SMOC1: variants seen among roughly 807,000 people sequenced by gnomAD.
SMOC1 encodes SPARC-related modular calcium-binding protein 1.
SMOC1 carries 22 observed loss-of-function variants against 56.3 expected under a neutral mutation model. The observed-to-expected ratio is 0.39, with a 90% CI of 0.28 to 0.56. SMOC1 has a LOEUF of 0.56. SMOC1 is among the 20% of genes least tolerant of loss of function. SMOC1 has a pLI of 0.61. For missense variants in SMOC1, 509 were observed against 565.4 expected (o/e 0.90, Z 1.01); for synonymous variants, 193 against 215.0 (o/e 0.90, Z 0.89).
At chr14:69,890,850 C>A (rs1883941053) in intron 1 of SMOC1, among the ~76,000 whole-genome samples, 1 of 152,166 alleles carries the variant, frequency 6.6e-6, no homozygotes, top group Non-Finnish European at 1.5e-5. Context: ...CACTCTTTGA[C>A]CTTGTAATTC....
Position 70,030,575 on chromosome 14 carries a change from G to C in SMOC1, c.*317G>C, listed in dbSNP as rs1886113697. On this transcript the variant is annotated 3_prime_UTR_variant, in exon 12 of 12. Transcript: ENST00000361956. ...TGGGGGAGGGTGTTGTTGGGGCTGA[G>C]AAGAAAGAGATTTATATGCTGTATA... 2.4e-6 allele frequency: 1 copy of C among 417,434 alleles called. No homozygotes were observed. Among genetic ancestry groups the C allele is most frequent in the Admixed American group, 4.0e-5 (1 of 25,264 alleles). The allele number at this position is 417,434 out of a possible 1,614,324, so 25.9% of individuals were successfully genotyped here.
chr14:70,010,674 A>G, intron 7 of SMOC1, 80 bp from the exon 8 acceptor site: 1 of 1,489,116 alleles, frequency 6.7e-7, no homozygotes, highest in South Asian at 1.1e-5. Context: ...CTTGCTACTT[A>G]CTTTGGATGC....
At chr14:70,018,257 G>A (rs987606206) in intron 10 of SMOC1, among the ~76,000 whole-genome samples, 1 of 152,100 alleles carries the variant, frequency 6.6e-6, no homozygotes, top group African/African-American at 2.4e-5. Context: ...AGGGTGATGA[G>A]GGCATGGACC....
At chr14:69,974,943 G>A (rs938225459) in intron 3 of SMOC1, among the ~76,000 whole-genome samples, 1 of 152,108 alleles carries the variant, frequency 6.6e-6, no homozygotes, top group Non-Finnish European at 1.5e-5. Context: ...GCTAGGAGAA[G>A]CTAGACAAAG....
intron 10 of SMOC1, among the ~76,000 whole-genome samples, chr14:70,020,723 T>C (rs1885686367): frequency 6.6e-6 from 1 of 151,318 alleles, no homozygotes; most frequent in Middle Eastern, 3.2e-3. Context: ...GTGAAGAGAG[T>C]CAAAATGTTG....
chr14:70,032,221 A>C lies in SMOC1; in HGVS notation c.*1963A>C, dbSNP rs1886178949. ...ACATGGAGACGGCGCCTGCCTGTAG[A>C]TGTTTGGATCTTCGAGATCTCCCCA... On this transcript the variant is annotated 3_prime_UTR_variant, in exon 12 of 12. Coordinates refer to ENST00000361956, the MANE Select transcript of SMOC1 (RefSeq NM_001034852.3). The C allele has an allele frequency of 6.6e-6, 1 of 152,262 alleles. No homozygotes were observed. The highest frequency in any genetic ancestry group is 1.5e-5 in the Non-Finnish European group (1 of 68,060). 9.4% of individuals were successfully genotyped at this position (152,262 alleles called of 1,614,324 possible).
intron 11 of SMOC1, among the ~76,000 whole-genome samples, chr14:70,026,799 G>A (rs1022758121): frequency 2.2e-4 from 33 of 152,166 alleles, no homozygotes; most frequent in African/African-American, 7.7e-4. Flanking sequence ...GCACCTGTCT[G>A]TGTTCATGTC....
Position 69,879,596 on chromosome 14 carries a change from G to C in SMOC1, c.-83G>C, listed in dbSNP as rs142897673. Reference sequence around the variant, plus strand: ...CCCCGCCGCCGCGAGGGCCCCGAGCGAAGGAAGGAAGGGAGGCGCGCTGTG... The same window carrying C: ...CCCCGCCGCCGCGAGGGCCCCGAGCCAAGGAAGGAAGGGAGGCGCGCTGTG... On this transcript the variant is annotated 5_prime_UTR_variant, in exon 1 of 12. Coordinates refer to ENST00000361956, the MANE Select transcript of SMOC1 (RefSeq NM_001034852.3). 5.2e-4 allele frequency: 587 copies of C among 1,121,170 alleles called. 1 individual carries two copies. In the African/African-American group the frequency reaches 7.4e-3, roughly 14 times the overall value. The allele number at this position is 1,121,170 out of a possible 1,614,324, so 69.5% of individuals were successfully genotyped here. A position where few individuals can be genotyped will look rare whatever the true frequency, so the allele number is the denominator to read the frequency against.
chr14:70,000,288 T>G (rs1436917571), intron 7 of SMOC1, among the ~76,000 whole-genome samples: 3 of 152,258 alleles, frequency 2.0e-5, no homozygotes, highest in Non-Finnish European at 4.4e-5. Context: ...CACCTTTGTC[T>G]GTGCCTTCTC....
chr14:70,008,509 A>G (rs1885221077), intron 7 of SMOC1, among the ~76,000 whole-genome samples: 1 of 152,146 alleles, frequency 6.6e-6, no homozygotes, highest in Admixed American at 6.5e-5. Context: ...GCCTTCAAGG[A>G]CTTCCAGAAA....
At chr14:69,952,684 A>G (rs2139439531) in intron 2 of SMOC1, among the ~76,000 whole-genome samples, 1 of 152,326 alleles carries the variant, frequency 6.6e-6, no homozygotes, top group Middle Eastern at 3.4e-3. Context: ...AGCAAAAAAC[A>G]TTTGGGATAA....
At chr14:69,972,817 C>T (rs1487788558) in intron 3 of SMOC1, among the ~76,000 whole-genome samples, 1 of 152,248 alleles carries the variant, frequency 6.6e-6, no homozygotes, top group Non-Finnish European at 1.5e-5. Flanking sequence ...TTTGCTGGCA[C>T]TCTGTGCATG....
Position 69,879,595 on chromosome 14 carries a change from C to CGAAG in SMOC1, c.-74_-71dup. The CGAAG allele has an allele frequency of 1.8e-6, 2 of 1,118,708 alleles. No individual in the cohort carries two copies. The highest frequency in any genetic ancestry group is 2.3e-6 in the Non-Finnish European group (2 of 855,232). 69.3% of individuals were successfully genotyped at this position (1,118,708 alleles called of 1,614,324 possible). On this transcript the variant is annotated 5_prime_UTR_variant, in exon 1 of 12. Coordinates refer to ENST00000361956, the MANE Select transcript of SMOC1 (RefSeq NM_001034852.3). Reference sequence around the variant, plus strand: ...TCCCCGCCGCCGCGAGGGCCCCGAGCGAAGGAAGGAAGGGAGGCGCGCTGT... The same window carrying CGAAG: ...TCCCCGCCGCCGCGAGGGCCCCGAGCGAAGGAAGGAAGGAAGGGAGGCGCGCTGT...
intron 1 of SMOC1, among the ~76,000 whole-genome samples, chr14:69,880,631 A>G (rs11158820): frequency 0.58 from 88,040 of 152,086 alleles, 28,813 homozygotes; most frequent in East Asian, 0.96. Context: ...ATGTACTATT[A>G]AACGACCTAG....
intron 10 of SMOC1, among the ~76,000 whole-genome samples, chr14:70,019,132 G>T (rs1394139103): frequency 6.6e-6 from 1 of 152,236 alleles, no homozygotes; most frequent in African/African-American, 2.4e-5. Flanking sequence ...TGTGGGAGAA[G>T]TGTAGCCTAT....
intron 11 of SMOC1, among the ~76,000 whole-genome samples, chr14:70,023,723 A>G (rs1432269994): frequency 2.0e-5 from 3 of 152,186 alleles, no homozygotes; most frequent in Admixed American, 6.5e-5. Context: ...TACAGTCACA[A>G]GTAGACCCAT....
At chr14:69,885,545 C>T (rs1883777989) in intron 1 of SMOC1, 13 of 1,597,204 alleles carry the variant, frequency 8.1e-6, no homozygotes, top group East Asian at 6.7e-5. Context: ...GACAGTGGTG[C>T]AGGTCTTCCT....
At chr14:69,993,088 G>A (rs1884621608) in intron 6 of SMOC1, among the ~76,000 whole-genome samples, 1 of 152,170 alleles carries the variant, frequency 6.6e-6, no homozygotes, top group African/African-American at 2.4e-5. Flanking sequence ...GCAGGGTGCT[G>A]GCATGGACAA....
rs1885805139 is a variant in SMOC1 at position 70,023,388 on chromosome 14, A to G, written c.1232A>G (p.Asn411Ser). ...ARRFTDYCDL[N>S]KDKVISLPEL... ...CGTTTCACCGACTACTGTGACCTGA[A>G]CAAAGACAAGGTCATTTCACTGCCT... The change falls in exon 11 of 12, where the codon AAC becomes AGC. Residue 411 changes from asparagine to serine, a missense_variant. By Grantham distance (46) the Asn-to-Ser change is conservative (BLOSUM62 1). Transcript: ENST00000361956. The G allele has an allele frequency of 6.2e-7, 1 of 1,614,132 alleles. No individual in the cohort carries two copies. The highest frequency in any genetic ancestry group is 8.5e-7 in the Non-Finnish European group (1 of 1,180,036).
Sources: gnomAD v4.1 joint callset for allele counts (sites outside exome capture counted in the v4.1 genomes callset) on GRCh38, gnomAD v4.1.1 for gene constraint, MANE v1.5 for transcripts, NCBI Gene and HGNC (gene_info 2026-07-23, HGNC 2026-07-21) for gene names.